The following ATF2 variants were observed in gnomAD, a reference collection of about 807,000 sequenced individuals.
ATF2 encodes the protein activating transcription factor 2, also known as cyclic AMP-dependent transcription factor ATF-2.
A neutral mutation model predicts 60.6 loss-of-function variants in ATF2; 24 were observed. That is an observed-to-expected ratio of 0.40 (90% CI 0.29 to 0.56). The LOEUF is 0.56. Among genes scored for constraint, ATF2 ranks in the 20% least tolerant of loss-of-function variants. ATF2 has a pLI of 0.54. For missense variants in ATF2, 433 were observed against 607.7 expected, an observed-to-expected ratio of 0.71 and a Z score of 3.02; for synonymous variants, 206 against 215.4, an observed-to-expected ratio of 0.96 and a Z score of 0.38.
Position 175,074,669 on chromosome 2 carries a change from C to A in ATF2, c.1458G>T (p.Glu486Asp). The A allele has an allele frequency of 6.2e-7, 1 of 1,613,354 alleles. No individual in the cohort carries two copies. The highest frequency in any genetic ancestry group is 8.5e-7 in the Non-Finnish European group (1 of 1,179,662). The change falls in exon 14 of 14, where the codon GAG becomes GAT. Residue 486 changes from glutamate (E) to aspartate (D), a missense_variant. Physicochemically the swap from Glu to Asp is conservative, Grantham distance 45 (BLOSUM62 2). Transcript: ENST00000264110. The part of the protein sequence containing the change: ...VLTQMADQST[E>D]PALSQIVMAP... ...CCATAACGATCTGTGAAAGAGCAGG[C>A]TCTGTACTCTGGTCCGCCATCTGGG...
chr2:175,077,438 T>G (rs915807800), intron 13 of ATF2, among the ~76,000 whole-genome samples: 2 of 152,170 alleles, frequency 1.3e-5, no homozygotes, highest in African/African-American at 2.4e-5. Context: ...TTCCTATTTC[T>G]CCACATCCTC....
chr2:175,093,117 C>G lies in ATF2; in HGVS notation c.1129G>C (p.Val377Leu). 1 of 1,614,198 alleles carries G rather than the reference C, an allele frequency of 6.2e-7. No homozygotes were observed. ...TCAGCTTTCTTCTCTAAAGACTGAACCCAGACTTTCCTTTTTTGTCGGCAT... is the reference window on the plus strand; with the variant it reads ...TCAGCTTTCTTCTCTAAAGACTGAAGCCAGACTTTCCTTTTTTGTCGGCAT... ...SRCRQKRKVW[V>L]QSLEKKAEDL... The change falls in exon 12 of 14, where the codon GTT becomes CTT. Residue 377 changes from valine to leucine, a missense_variant. Val to Leu is a conservative substitution (Grantham distance 32). Transcript: ENST00000264110.
chr2:175,095,363 A>C (rs1694863647), intron 11 of ATF2, among the ~76,000 whole-genome samples: 1 of 152,178 alleles, frequency 6.6e-6, no homozygotes, highest in African/African-American at 2.4e-5. Context: ...AAGTGCTGGG[A>C]TTATAGGCGT....
chr2:175,114,026 T>C lies in ATF2; in HGVS notation c.709A>G (p.Ser237Gly), dbSNP rs1696381810. The change falls in exon 9 of 14, where the codon AGT (serine) becomes GGT (glycine). Residue 237 changes from serine (S) to glycine (G), a missense_variant. Coordinates refer to ENST00000264110, the MANE Select transcript of ATF2 (RefSeq NM_001880.4). ...MPVAIPASIT[S>G]SNVHVPAAVP... ...GCAGCTGGAACATGCACATTAGAAC[T>C]TGTAATTGATGCAGGAATAGCAACA... 1.2e-6 allele frequency: 2 copies of C among 1,612,306 alleles called. No individual in the cohort carries two copies. The highest frequency in any genetic ancestry group is 2.2e-5 in the East Asian group (1 of 44,746).
At chr2:175,116,171 A>G (rs942034854) in intron 7 of ATF2, among the ~76,000 whole-genome samples, 39 of 152,274 alleles carry the variant, frequency 2.6e-4, no homozygotes, top group African/African-American at 9.1e-4. Context: ...ATTAAAAGTC[A>G]TCTTACAGAA....
In ATF2 at chr2:175,119,805, G is replaced by T. The variant is rs553523418; in HGVS notation, c.200-1436C>A. 4.6e-5 allele frequency among the ~76,000 whole-genome samples: 7 copies of T among 151,614 alleles called. No individual in the cohort carries two copies. The East Asian group carries it at 1.4e-3, about 29-fold the overall frequency. On this transcript the variant is annotated intron_variant, in intron 5 of 13. Transcript: ENST00000264110. ...TTTGTCTATCTAAGTTCATCAGAAGGCTCTTAACTTACATTAAAGGGAGGG... is the reference window on the plus strand; with the variant it reads ...TTTGTCTATCTAAGTTCATCAGAAGTCTCTTAACTTACATTAAAGGGAGGG...
At chr2:175,154,244 T>C (rs541689863) in intron 1 of ATF2, among the ~76,000 whole-genome samples, 5 of 148,488 alleles carry the variant, frequency 3.4e-5, no homozygotes, top group Non-Finnish European at 7.4e-5. Flanking sequence ...AATATATATA[T>C]ATATATATTT....
At chr2:175,144,149 A>G (rs948732325) in intron 2 of ATF2, among the ~76,000 whole-genome samples, 14 of 152,206 alleles carry the variant, frequency 9.2e-5, no homozygotes, top group African/African-American at 3.4e-4. Flanking sequence ...ACTTGAATAT[A>G]GAATATAGGC....
intron 10 of ATF2, among the ~76,000 whole-genome samples, chr2:175,100,632 CT>C (rs570150257): frequency 2.7e-4 from 41 of 152,352 alleles, no homozygotes; most frequent in African/African-American, 9.1e-4. Flanking sequence ...CACAATTTAC[CT>C]ACATATTTGC....
intron 3 of ATF2, among the ~76,000 whole-genome samples, chr2:175,135,360 G>A (rs960454896): frequency 6.6e-6 from 1 of 152,098 alleles, no homozygotes; most frequent in Non-Finnish European, 1.5e-5. Context: ...AGCCTCCCTA[G>A]CTCCAACTAC....
At chr2:175,138,905 T>C (rs1469300641) in intron 2 of ATF2, among the ~76,000 whole-genome samples, 1 of 152,212 alleles carries the variant, frequency 6.6e-6, no homozygotes, top group Non-Finnish European at 1.5e-5. Flanking sequence ...CAAAGGAATA[T>C]GAGCTTTTGA....
intron 8 of ATF2, 56 bp downstream of exon 8, chr2:175,114,634 A>T: frequency 6.4e-7 from 1 of 1,567,318 alleles, no homozygotes; most frequent in Non-Finnish European, 8.7e-7. Context: ...AGGAAAAATC[A>T]TTACAAAACA....
chr2:175,108,124 G>A (rs1243182041), intron 10 of ATF2, among the ~76,000 whole-genome samples: 2 of 151,826 alleles, frequency 1.3e-5, no homozygotes, highest in South Asian at 2.1e-4. Flanking sequence ...GAAGTGAGGA[G>A]CGTCTCTGCC....
At chr2:175,156,058 A>G (rs1385267418) in intron 1 of ATF2, among the ~76,000 whole-genome samples, 1 of 152,158 alleles carries the variant, frequency 6.6e-6, no homozygotes, top group African/African-American at 2.4e-5. Context: ...CAAAAGGAAC[A>G]GTGCAGATGT....
rs1423009111 is a variant in ATF2 at position 175,073,608 on chromosome 2, CAG to C, written c.*999_*1000del. ...ATCAAAATTTGCTACTAAAAGATGACAGTGCTTTCACAAGAATAGTACAAGTT... is the reference window on the plus strand; with the variant it reads ...ATCAAAATTTGCTACTAAAAGATGACTGCTTTCACAAGAATAGTACAAGTT... On this transcript the variant is annotated 3_prime_UTR_variant, in exon 14 of 14. Transcript: ENST00000264110. The C allele has an allele frequency of 6.6e-6, 1 of 151,940 alleles. No homozygotes were observed. Among genetic ancestry groups the C allele is most frequent in the East Asian group, 1.9e-4 (1 of 5,178 alleles). 9.4% of individuals were successfully genotyped at this position (151,940 alleles called of 1,614,324 possible). A position where few individuals can be genotyped will look rare whatever the true frequency, so the allele number is the denominator to read the frequency against.
chr2:175,108,815 A>G (rs1336377232), intron 10 of ATF2, among the ~76,000 whole-genome samples: 1 of 152,224 alleles, frequency 6.6e-6, no homozygotes, highest in African/African-American at 2.4e-5. Context: ...GACTTCACTT[A>G]GTTCTGTACT....
At chr2:175,141,130 T>A (rs951209033) in intron 2 of ATF2, among the ~76,000 whole-genome samples, 2 of 148,708 alleles carry the variant, frequency 1.3e-5, no homozygotes, top group Non-Finnish European at 3.0e-5. Context: ...ACTTCAAGGT[T>A]TGTGAAATAA....
intron 10 of ATF2, among the ~76,000 whole-genome samples, chr2:175,109,711 T>C (rs1166478387): frequency 2.6e-5 from 4 of 152,246 alleles, no homozygotes; most frequent in Non-Finnish European, 5.9e-5. Flanking sequence ...ATCTGCTCTA[T>C]TCAGTTCCCA....
chr2:175,082,206 C>T (rs1693807243), intron 12 of ATF2, among the ~76,000 whole-genome samples: 1 of 152,154 alleles, frequency 6.6e-6, no homozygotes, highest in Non-Finnish European at 1.5e-5. Context: ...CAATGAACTA[C>T]ATCACTGTAT....
Sources: allele counts gnomAD v4.1 joint callset (sites outside exome capture counted in the v4.1 genomes callset), GRCh38; gene constraint gnomAD v4.1.1; transcripts MANE v1.5; gene names NCBI Gene and HGNC (gene_info 2026-07-23, HGNC 2026-07-21).